LRBA: variants seen among roughly 807,000 people sequenced by gnomAD.
The protein encoded by LRBA is lipopolysaccharide-responsive and beige-like anchor protein.
A neutral mutation model predicts 330.0 loss-of-function variants in LRBA; 176 were observed. The ratio of observed to expected loss-of-function variants is 0.53; its 90% CI spans 0.47 to 0.60. The LOEUF (loss-of-function observed/expected upper bound fraction) is 0.60, where lower values mean the gene tolerates loss of function less well. Among genes scored for constraint, LRBA ranks in the 20% least tolerant of loss-of-function variants. LRBA has a pLI of 0.00. For missense variants in LRBA, 3,259 were observed against 3,444.8 expected (o/e 0.95, Z 1.35); for synonymous variants, 1,230 against 1,193.0 (o/e 1.03, Z -0.64).
At chr4:150,626,320 T>G (rs951095219) in intron 37 of LRBA, among the ~76,000 whole-genome samples, 1 of 152,176 alleles carries the variant, frequency 6.6e-6, no homozygotes, top group East Asian at 1.9e-4. Context: ...TCATAACATA[T>G]ATACTAAAAT....
intron 46 of LRBA, among the ~76,000 whole-genome samples, chr4:150,429,989 C>T (rs932299857): frequency 1.3e-5 from 2 of 152,124 alleles, no homozygotes; most frequent in South Asian, 4.2e-4. Flanking sequence ...TAATTGACTT[C>T]TCATAGTTTT....
chr4:150,421,837 C>T (rs1748843126), intron 46 of LRBA, among the ~76,000 whole-genome samples: 1 of 152,156 alleles, frequency 6.6e-6, no homozygotes, highest in African/African-American at 2.4e-5. Context: ...TGAATCCAAG[C>T]ACTGCTTTCA....
intron 24 of LRBA, 122 bp downstream of exon 24, chr4:150,850,602 A>G (rs987772158): frequency 7.3e-6 from 4 of 545,084 alleles, no homozygotes; most frequent in African/African-American, 2.0e-5. Context: ...CCTACCATAG[A>G]ATAATTTCTA....
At chr4:150,485,154 T>A (rs1757723046) in intron 42 of LRBA, among the ~76,000 whole-genome samples, 1 of 151,960 alleles carries the variant, frequency 6.6e-6, no homozygotes, top group Non-Finnish European at 1.5e-5. Context: ...TTAATAATGT[T>A]CCAGTCTTCA....
chr4:150,965,930 C>G (rs962789113), intron 2 of LRBA, among the ~76,000 whole-genome samples: 3 of 152,104 alleles, frequency 2.0e-5, no homozygotes, highest in African/African-American at 4.8e-5. Context: ...GAAAAGAGGT[C>G]ATAGAGAGAG....
chr4:150,816,346 A>G (rs1029709980), intron 31 of LRBA, among the ~76,000 whole-genome samples: 1 of 151,988 alleles, frequency 6.6e-6, no homozygotes, highest in African/African-American at 2.4e-5. Context: ...CAAAATATCC[A>G]GAAGAAAACC....
At chr4:150,273,731 T>G (rs889405620) in intron 56 of LRBA, among the ~76,000 whole-genome samples, 21 of 151,780 alleles carry the variant, frequency 1.4e-4, no homozygotes, top group Non-Finnish European at 3.1e-4. Flanking sequence ...CATGACATAA[T>G]GGTAAAGGGA....
intron 40 of LRBA, among the ~76,000 whole-genome samples, chr4:150,497,373 C>G (rs974191521): frequency 2.6e-5 from 4 of 152,128 alleles, no homozygotes; most frequent in Non-Finnish European, 5.9e-5. Context: ...CAATGACACA[C>G]AGTCGACTCT....
intron 46 of LRBA, among the ~76,000 whole-genome samples, chr4:150,416,727 A>G (rs1747817606): frequency 6.6e-6 from 1 of 152,128 alleles, no homozygotes; most frequent in Non-Finnish European, 1.5e-5. Flanking sequence ...TTCAAAAACA[A>G]TGTATATAAT....
At chr4:150,952,558 AGCCTGTCTCTTT>A (rs1452871457) in intron 2 of LRBA, among the ~76,000 whole-genome samples, 1 of 152,058 alleles carries the variant, frequency 6.6e-6, no homozygotes, top group Non-Finnish European at 1.5e-5. Flanking sequence ...CATTCCCAAG[AGCCTGTCTCTTT>A]GCCTGTGTCT....
At chr4:150,403,236 A>G (rs966644537) in intron 47 of LRBA, among the ~76,000 whole-genome samples, 1 of 152,244 alleles carries the variant, frequency 6.6e-6, no homozygotes, top group Admixed American at 6.5e-5. Context: ...ACCACTGGGC[A>G]GAAGTTGCCT....
intron 34 of LRBA, among the ~76,000 whole-genome samples, chr4:150,762,974 A>C (rs1735298237): frequency 6.6e-6 from 1 of 151,606 alleles, no homozygotes. Flanking sequence ...TCTCTTTTCC[A>C]TGTCCACTTT....
chr4:150,798,184 C>G, intron 33 of LRBA, 42 bp from the exon 34 acceptor site: 1 of 1,262,896 alleles, frequency 7.9e-7, no homozygotes, highest in Non-Finnish European at 1.2e-6. Context: ...ATAAAGAAAA[C>G]AAATGAGGAT....
At chr4:150,606,881 G>A (rs929949477) in intron 37 of LRBA, among the ~76,000 whole-genome samples, 3 of 152,146 alleles carry the variant, frequency 2.0e-5, no homozygotes, top group Non-Finnish European at 4.4e-5. Flanking sequence ...GGGTTTATGC[G>A]TAATTCACTG....
chr4:150,863,606 G>A (rs1057405469), intron 22 of LRBA, among the ~76,000 whole-genome samples: 3 of 152,206 alleles, frequency 2.0e-5, no homozygotes, highest in Admixed American at 1.3e-4. Context: ...AGTTTACAGT[G>A]AGCCAAGATT....
Position 150,828,618 on chromosome 4 carries a change from A to T in LRBA, c.4733T>A (p.Ile1578Asn). The T allele has an allele frequency of 6.2e-7, 1 of 1,611,522 alleles. No individual in the cohort carries two copies. Among genetic ancestry groups the T allele is most frequent in the Non-Finnish European group, 8.5e-7 (1 of 1,178,704 alleles). ...SENENVSLSE[I>N]TPAAFSTLTT... Reference sequence around the variant, plus strand: ...TAAAGTGCTGAATGCTGCTGGTGTGATTTCTATATCATACCCAGAAACACA... The same window carrying T: ...TAAAGTGCTGAATGCTGCTGGTGTGTTTTCTATATCATACCCAGAAACACA... The change falls in exon 30 of 57, where the codon ATC becomes AAC. Residue 1578 changes from isoleucine (I) to asparagine (N), a missense_variant. Ile to Asn is a moderately radical substitution (Grantham distance 149). Coordinates refer to ENST00000651943, the MANE Select transcript of LRBA (RefSeq NM_001364905.1).
intron 2 of LRBA, among the ~76,000 whole-genome samples, chr4:150,947,989 G>C (rs893655137): frequency 2.6e-5 from 4 of 151,740 alleles, no homozygotes; most frequent in Non-Finnish European, 5.9e-5. Context: ...GATGATGAAA[G>C]AAATCAAAGA....
intron 53 of LRBA, among the ~76,000 whole-genome samples, chr4:150,290,919 C>G (rs1728201409): frequency 2.0e-5 from 3 of 152,226 alleles, no homozygotes; most frequent in Admixed American, 1.3e-4. Flanking sequence ...GATCTCTATA[C>G]TAACCACTTA....
Position 150,436,809 on chromosome 4 carries a change from G to C in LRBA, c.6836C>G (p.Ser2279Ter). 1 of 1,613,690 alleles carries C rather than the reference G, an allele frequency of 6.2e-7. No individual in the cohort carries two copies. ...CTTTGGAACTTGATCATCTTCCCAT[G>C]ATTCATAACGCTCAGCGAAGAATGC... ...RAAFFAERYE[S>*]WEDDQVPKFH... The change falls in exon 45 of 57, where the codon TCA becomes TGA. Residue 2279 changes from serine (S) to a stop codon, truncating the protein, a stop_gained. Coordinates refer to ENST00000651943, the MANE Select transcript of LRBA (RefSeq NM_001364905.1). LOFTEE classifies it high-confidence loss of function.
Sources: allele counts gnomAD v4.1 joint callset (sites outside exome capture counted in the v4.1 genomes callset), GRCh38; gene constraint gnomAD v4.1.1; transcripts MANE v1.5; gene names NCBI Gene and HGNC (gene_info 2026-07-23, HGNC 2026-07-21).